The following MYH11 variants were observed in gnomAD, a reference collection of about 807,000 sequenced individuals.
MYH11 encodes the protein myosin heavy chain 11.
MYH11 carries 80 observed loss-of-function variants against 246.6 expected under a neutral mutation model. That is an observed-to-expected ratio of 0.32 (90% CI 0.27 to 0.39). The LOEUF (loss-of-function observed/expected upper bound fraction) is 0.39, where lower values mean the gene tolerates loss of function less well. Ranked by LOEUF, MYH11 falls within the 10% of genes least tolerant of loss-of-function variation. MYH11 has a pLI of 1.00. For synonymous variants in MYH11, 1,071 were observed against 1,015.5 expected (o/e 1.05, Z -1.04); for missense variants, 2,158 against 2,546.8 (o/e 0.85, Z 3.29).
At chr16:15,736,775 G>T (rs979454177) in intron 25 of MYH11, among the ~76,000 whole-genome samples, 3 of 152,158 alleles carry the variant, frequency 2.0e-5, no homozygotes, top group African/African-American at 4.8e-5. Context: ...AGGAGGCTCA[G>T]CTTCCTCCTC....
At chr16:15,708,933 C>T (rs2039622406) in intron 40 of MYH11, 11 of 1,296,316 alleles carry the variant, frequency 8.5e-6, no homozygotes, top group South Asian at 2.5e-5. Context: ...ACATTTGCTT[C>T]GATTTAATAA....
intron 36 of MYH11, 109 bp downstream of exon 36, chr16:15,719,111 G>A (rs1415804490): frequency 2.7e-6 from 3 of 1,096,272 alleles, no homozygotes; most frequent in East Asian, 2.5e-5. Flanking sequence ...CTGGGTGACA[G>A]AATGAAACTC....
At chr16:15,729,409 G>A (rs543673593) in intron 27 of MYH11, among the ~76,000 whole-genome samples, 2 of 152,300 alleles carry the variant, frequency 1.3e-5, no homozygotes, top group Admixed American at 6.5e-5. Context: ...CATGCCGTCT[G>A]CTGGTGGTCT....
At chr16:15,788,077 C>T (rs201038530) in intron 4 of MYH11, among the ~76,000 whole-genome samples, 1,595 of 55,234 alleles carry the variant, frequency 0.029, 105 homozygotes, top group African/African-American at 0.083. Flanking sequence ...GAAGGTAGAT[C>T]TTTTTTTTTT....
chr16:15,737,477 CCTT>C lies in MYH11; in HGVS notation c.3262_3264del (p.Lys1088del). 3 of 1,613,652 alleles carry C rather than the reference CCTT, an allele frequency of 1.9e-6. No individual in the cohort carries two copies. Among genetic ancestry groups the C allele is most frequent in the South Asian group, 2.2e-5 (2 of 91,090 alleles). ...GCCAGGGCCGCCTGCAGCTCCTCCT[CCTT>C]CTTGGCCAGCTGCATCTTGAGCTCT... On this transcript the variant is annotated inframe_deletion, in exon 25 of 41. Transcript: ENST00000300036.
chr16:15,771,465 G>T, intron 9 of MYH11, 104 bp downstream of exon 9: 2 of 1,167,784 alleles, frequency 1.7e-6, no homozygotes, highest in Non-Finnish European at 1.2e-6. Flanking sequence ...ATGGAAGGTG[G>T]GGAATTCAGA....
chr16:15,831,801 T>C (rs2043746888), intron 2 of MYH11, among the ~76,000 whole-genome samples: 1 of 151,890 alleles, frequency 6.6e-6, no homozygotes, highest in Admixed American at 6.6e-5. Context: ...TAGCTGGGCG[T>C]GGTGGCATGT....
intron 36 of MYH11, 57 bp from the exon 37 acceptor site, chr16:15,718,495 C>A: frequency 6.5e-7 from 1 of 1,534,710 alleles, no homozygotes; most frequent in Non-Finnish European, 8.7e-7. Flanking sequence ...TAAAAGATGC[C>A]CCCTCCTTGG....
At chr16:15,780,941 C>T (rs2042339119) in intron 6 of MYH11, among the ~76,000 whole-genome samples, 2 of 152,234 alleles carry the variant, frequency 1.3e-5, no homozygotes, top group African/African-American at 2.4e-5. Flanking sequence ...ATGCCAACAT[C>T]ATCAGTGCCT....
In MYH11 at chr16:15,719,669, G is replaced by A. The variant is rs1196861372; in HGVS notation, c.4998C>T (p.Ala1666=). 10 of 1,614,056 alleles carry A rather than the reference G, an allele frequency of 6.2e-6. No individual in the cohort carries two copies. Among genetic ancestry groups the A allele is most frequent in the Non-Finnish European group, 8.5e-6 (10 of 1,180,038 alleles). ...DFQRELEDAR[A]SRDEIFATAK... ...CTGTGGCAAAGATCTCATCTCTGGA[G>A]GCACGGGCATCTTCCAGCTCTCTTT... is the stretch of plus-strand genomic sequence containing the variant. The change falls in exon 35 of 41, where the codon GCC becomes GCT. Residue 1666 remains alanine, a synonymous_variant. Transcript: ENST00000300036.
At chr16:15,720,005 C>T in intron 34 of MYH11, 146 bp downstream of exon 34, 1 of 1,193,712 alleles carries the variant, frequency 8.4e-7, no homozygotes, top group Non-Finnish European at 1.2e-6. Context: ...CCACCAAATC[C>T]TGAATGGTTC....
chr16:15,719,389 C>T (rs543559509), intron 35 of MYH11, 81 bp from the exon 36 acceptor site: 8 of 1,517,564 alleles, frequency 5.3e-6, no homozygotes, highest in African/African-American at 1.4e-5. Context: ...ACTCAGCCAC[C>T]CTTGAAAGTA....
chr16:15,750,063 C>T lies in MYH11; in HGVS notation c.2058+75G>A, dbSNP rs753520741. 1.2e-4 allele frequency: 195 copies of T among 1,576,906 alleles called. No individual in the cohort carries two copies. The highest frequency in any genetic ancestry group is 2.5e-4 in the Admixed American group (15 of 59,380). ...CCTCGGGGTAGGTGGGGGCAGAGGG[C>T]GCCCTGGGGACGCTGTGACCGCTTG... On this transcript the variant is annotated intron_variant, in intron 16 of 40. Transcript: ENST00000300036. The surrounding 1 kb of genome is among the most constrained non-coding windows in gnomAD (Gnocchi z 4.3).
rs966969732 is a variant in MYH11, at chr16:15,750,925, G to C, written c.1865-594C>G. The stretch of plus-strand genomic sequence containing the variant: ...TAGAAAAATAAAAATAGGGTAAAGC[G>C]GAGAGAGAGTGAAGAGGGTGCTCTC... On this transcript the variant is annotated intron_variant, in intron 15 of 40. Transcript: ENST00000300036. The surrounding 1 kb of genome is among the most constrained non-coding windows in gnomAD (Gnocchi z 4.3). 6.6e-6 allele frequency among the ~76,000 whole-genome samples: 1 copy of C among 151,944 alleles called. No homozygotes were observed. The highest frequency in any genetic ancestry group is 6.6e-5 in the Admixed American group (1 of 15,240).
intron 2 of MYH11, among the ~76,000 whole-genome samples, chr16:15,835,356 C>A (rs772687711): frequency 6.6e-6 from 1 of 152,168 alleles, no homozygotes; most frequent in Non-Finnish European, 1.5e-5. Flanking sequence ...AGATACCATG[C>A]TCACAAAGAG....
chr16:15,704,186 T>C, intron 40 of MYH11, 63 bp from the exon 41 acceptor site: 1 of 1,595,084 alleles, frequency 6.3e-7, no homozygotes, highest in Non-Finnish European at 8.6e-7. Flanking sequence ...ATAGATTTTT[T>C]ATAAATCTAT....
chr16:15,725,149 ACACACACACAC>A, intron 28 of MYH11, 157 bp from the exon 29 acceptor site: 1 of 576,044 alleles, frequency 1.7e-6, no homozygotes, highest in Non-Finnish European at 3.0e-6. Flanking sequence ...AAAAAAAAAA[ACACACACACAC>A]ACAAAAAAAA....
intron 4 of MYH11, 152 bp from the exon 5 acceptor site, chr16:15,786,884 A>G: frequency 2.6e-6 from 2 of 774,236 alleles, no homozygotes; most frequent in South Asian, 1.5e-5. Flanking sequence ...CCAAGGCCAC[A>G]TCTCTGGTAG....
chr16:15,725,879 A>G, intron 28 of MYH11: 1 of 393,606 alleles, frequency 2.5e-6, no homozygotes, highest in Non-Finnish European at 4.5e-6. Flanking sequence ...AGTAAGGATC[A>G]ACATACATGT....
Sources: allele counts gnomAD v4.1 joint callset (sites outside exome capture counted in the v4.1 genomes callset), GRCh38; gene constraint gnomAD v4.1.1; non-coding constraint Gnocchi (gnomAD v3.1); transcripts MANE v1.5; gene names NCBI Gene and HGNC (gene_info 2026-07-23, HGNC 2026-07-21).